The following CSMD3 variants were observed in gnomAD, a reference collection of about 807,000 sequenced individuals.
CSMD3 encodes the protein CUB and Sushi multiple domains 3.
A neutral mutation model predicts 435.2 loss-of-function variants in CSMD3; 177 were observed. That is an observed-to-expected ratio of 0.41 (90% CI 0.36 to 0.46). The LOEUF (loss-of-function observed/expected upper bound fraction) is 0.46, where lower values mean the gene tolerates loss of function less well. Among genes scored for constraint, CSMD3 ranks in the 20% least tolerant of loss-of-function variants. The pLI, the probability that CSMD3 is intolerant of heterozygous loss-of-function variation, is 0.34. For missense variants in CSMD3, 4,265 were observed against 4,504.6 expected, an observed-to-expected ratio of 0.95 and a Z score of 1.52; for synonymous variants, 1,656 against 1,520.5, an observed-to-expected ratio of 1.09 and a Z score of -2.07.
intron 5 of CSMD3, among the ~76,000 whole-genome samples, chr8:113,080,969 A>T (rs926437063): frequency 1.3e-5 from 2 of 152,182 alleles, no homozygotes; most frequent in Non-Finnish European, 2.9e-5. Flanking sequence ...TTTAAATTTT[A>T]TTTCTCCCAA....
intron 53 of CSMD3, among the ~76,000 whole-genome samples, chr8:112,296,640 G>A (rs188777090): frequency 6.6e-6 from 1 of 151,956 alleles, no homozygotes; most frequent in Admixed American, 6.5e-5. Context: ...AAATTAATAA[G>A]TTTCAGTGCT....
In CSMD3 at chr8:113,320,710, T is replaced by A. The variant is rs898271616; in HGVS notation, c.179-5917A>T. Among the ~76,000 whole-genome samples, 90 of 152,138 alleles carry A rather than the reference T, an allele frequency of 5.9e-4. 2 individuals carry two copies. Among genetic ancestry groups the A allele is most frequent in the Non-Finnish European group, 2.9e-4 (20 of 67,964 alleles). ...TTCTTGGAAATCTTTTCTTATTGTT[T>A]CCATGATGATGCCCTGCTTTTCTAA... On this transcript the variant is annotated intron_variant, in intron 1 of 70. Coordinates refer to ENST00000297405, the MANE Select transcript of CSMD3 (RefSeq NM_198123.2).
chr8:113,080,665 A>G (rs1240654161), intron 5 of CSMD3, among the ~76,000 whole-genome samples: 1 of 152,194 alleles, frequency 6.6e-6, no homozygotes, highest in Non-Finnish European at 1.5e-5. Flanking sequence ...AAAAGCACAG[A>G]GTCAGTGAAA....
At chr8:112,230,399 C>T (rs1812977680) in intron 69 of CSMD3, among the ~76,000 whole-genome samples, 1 of 152,198 alleles carries the variant, frequency 6.6e-6, no homozygotes, top group African/African-American at 2.4e-5. Flanking sequence ...AACTAAACCT[C>T]ATCTTTGTCC....
intron 3 of CSMD3, among the ~76,000 whole-genome samples, chr8:113,182,801 G>T (rs1173578292): frequency 6.6e-6 from 1 of 152,046 alleles, no homozygotes; most frequent in African/African-American, 2.4e-5. Flanking sequence ...AGTTGAATGA[G>T]AAGATGTTAA....
At chr8:112,693,487 A>G (rs1260684129) in intron 13 of CSMD3, among the ~76,000 whole-genome samples, 1 of 152,024 alleles carries the variant, frequency 6.6e-6, no homozygotes, top group Non-Finnish European at 1.5e-5. Flanking sequence ...CCTCTAGTCT[A>G]TTATCCATCC....
At chr8:112,535,567 A>C (rs923762992) in intron 27 of CSMD3, among the ~76,000 whole-genome samples, 8 of 152,222 alleles carry the variant, frequency 5.3e-5, no homozygotes, top group African/African-American at 1.9e-4. Context: ...GGGTAGGAAG[A>C]ATAAATATTG....
intron 1 of CSMD3, among the ~76,000 whole-genome samples, chr8:113,327,966 G>A (rs1042759400): frequency 6.6e-6 from 1 of 152,092 alleles, no homozygotes. Context: ...AGCTGAGAGA[G>A]AACCAGTCTC....
intron 16 of CSMD3, among the ~76,000 whole-genome samples, chr8:112,667,308 T>C (rs1181026736): frequency 6.6e-6 from 1 of 152,160 alleles, no homozygotes; most frequent in East Asian, 1.9e-4. Context: ...AACCGCCATC[T>C]GTCCAGTTGC....
intron 4 of CSMD3, among the ~76,000 whole-genome samples, chr8:113,140,009 T>C (rs2131725766): frequency 6.6e-6 from 1 of 150,902 alleles, no homozygotes; most frequent in Middle Eastern, 3.4e-3. Context: ...AAGCACAAGG[T>C]TTCAGACTTC....
intron 13 of CSMD3, among the ~76,000 whole-genome samples, chr8:112,766,365 C>T (rs1455128515): frequency 6.6e-6 from 1 of 151,398 alleles, no homozygotes; most frequent in African/African-American, 2.4e-5. Context: ...AGAGACCTCT[C>T]TCTAAATCCA....
intron 16 of CSMD3, among the ~76,000 whole-genome samples, chr8:112,673,866 A>C (rs2075712277): frequency 6.6e-6 from 1 of 152,118 alleles, no homozygotes; most frequent in Admixed American, 6.6e-5. Context: ...TTCTGTGCTG[A>C]GGGCAAGGGA....
In CSMD3 at chr8:113,049,192, T is replaced by C. The variant is rs564124340; in HGVS notation, c.918-30013A>G. ...AGGCAGAGGTTGCAGTGAGCCAAGATCACGCCACTGCACTCCAGCCTAGGT... is the reference window on the plus strand; with the variant it reads ...AGGCAGAGGTTGCAGTGAGCCAAGACCACGCCACTGCACTCCAGCCTAGGT... On this transcript the variant is annotated intron_variant, in intron 5 of 70. Coordinates refer to ENST00000297405, the MANE Select transcript of CSMD3 (RefSeq NM_198123.2). Among the ~76,000 whole-genome samples the C allele has an allele frequency of 1.3e-4, 20 of 152,160 alleles. No individual in the cohort carries two copies. The South Asian group carries it at 4.2e-3, about 32-fold the overall frequency.
At chr8:112,390,273 C>G (rs1036274393) in intron 36 of CSMD3, among the ~76,000 whole-genome samples, 2 of 152,158 alleles carry the variant, frequency 1.3e-5, no homozygotes, top group East Asian at 1.9e-4. Context: ...AGGGCTGTTA[C>G]GCCTAGAGCT....
chr8:113,334,446 A>T lies in CSMD3; in HGVS notation c.179-19653T>A, dbSNP rs556933001. ...TGCAATAGGCCCACTTGGTCATGTTATAATTATTTTTCATATATTGTTGAG... is the reference window on the plus strand; with the variant it reads ...TGCAATAGGCCCACTTGGTCATGTTTTAATTATTTTTCATATATTGTTGAG... On this transcript the variant is annotated intron_variant, in intron 1 of 70. Coordinates refer to ENST00000297405, the MANE Select transcript of CSMD3 (RefSeq NM_198123.2). Among the ~76,000 whole-genome samples, 4 of 151,650 alleles carry T rather than the reference A, an allele frequency of 2.6e-5. No individual in the cohort carries two copies. In the East Asian group the frequency reaches 7.8e-4, roughly 29 times the overall value.
At chr8:112,342,595 G>A (rs1825226678) in intron 41 of CSMD3, among the ~76,000 whole-genome samples, 1 of 152,076 alleles carries the variant, frequency 6.6e-6, no homozygotes, top group Non-Finnish European at 1.5e-5. Flanking sequence ...TCGCAGAGAA[G>A]TAAGACACAT....
chr8:113,037,906 A>G (rs565060186), intron 5 of CSMD3, among the ~76,000 whole-genome samples: 1 of 152,230 alleles, frequency 6.6e-6, no homozygotes, highest in East Asian at 1.9e-4. Flanking sequence ...ATTTATATGG[A>G]GTTGTGGAAA....
At chr8:112,264,626 T>C (rs935010717) in intron 60 of CSMD3, among the ~76,000 whole-genome samples, 3 of 152,104 alleles carry the variant, frequency 2.0e-5, no homozygotes, top group Non-Finnish European at 4.4e-5. Context: ...TAACTGTATA[T>C]TTATAGTGAT....
At chr8:112,455,638 C>T (rs10089402) in intron 32 of CSMD3, among the ~76,000 whole-genome samples, 64,789 of 150,910 alleles carry the variant, frequency 0.43, 14,819 homozygotes, top group Middle Eastern at 0.6. Context: ...TAAATCAAAG[C>T]ATAATCAATG....
Sources: gnomAD v4.1 joint callset for allele counts (sites outside exome capture counted in the v4.1 genomes callset) on GRCh38, gnomAD v4.1.1 for gene constraint, MANE v1.5 for transcripts, NCBI Gene and HGNC (gene_info 2026-07-23, HGNC 2026-07-21) for gene names.